The following GALNT13 variants were observed in gnomAD, a reference collection of about 807,000 sequenced individuals.
The protein encoded by GALNT13 is UDP-GalNAc:polypeptide N-acetylgalactosaminyltransferase 13.
A neutral mutation model predicts 64.2 loss-of-function variants in GALNT13; 28 were observed. The ratio of observed to expected loss-of-function variants is 0.44; its 90% CI spans 0.32 to 0.60. The LOEUF is 0.60. Among genes scored for constraint, GALNT13 ranks in the 20% least tolerant of loss-of-function variants. The probability of loss-of-function intolerance (pLI) is 0.05; values close to 1 mark genes in which losing one functional copy is unlikely to be tolerated. For missense variants in GALNT13, 577 were observed against 669.8 expected, an observed-to-expected ratio of 0.86 and a Z score of 1.53; for synonymous variants, 214 against 224.6, an observed-to-expected ratio of 0.95 and a Z score of 0.42.
chr2:153,422,749 GA>G, the GALNT13 span, among the ~76,000 whole-genome samples: 1 of 151,710 alleles, frequency 6.6e-6, no homozygotes, highest in Admixed American at 6.6e-5. Context: ...ACACTTTACA[GA>G]ATAGATTCAA....
chr2:153,452,915 C>CA, the GALNT13 span, among the ~76,000 whole-genome samples: 2 of 152,076 alleles, frequency 1.3e-5, no homozygotes, highest in South Asian at 4.1e-4. Context: ...GGTACTGGCA[C>CA]AAAAATAGTC....
chr2:154,029,990 G>C (rs1312327252), intron 3 of GALNT13, among the ~76,000 whole-genome samples: 1 of 152,120 alleles, frequency 6.6e-6, no homozygotes, highest in Non-Finnish European at 1.5e-5. Context: ...CGGGTAAATT[G>C]AGAGCTGAGG....
At chr2:153,906,326 T>A (rs1301732792) in intron 2 of GALNT13, among the ~76,000 whole-genome samples, 3 of 151,564 alleles carry the variant, frequency 2.0e-5, no homozygotes, top group Non-Finnish European at 2.9e-5. Flanking sequence ...ACATGTGCCA[T>A]GTTGGTGTGC....
the GALNT13 span, among the ~76,000 whole-genome samples, chr2:153,404,362 T>C: frequency 2.0e-5 from 3 of 152,278 alleles, no homozygotes; most frequent in African/African-American, 7.2e-5. Context: ...AATAACAAAA[T>C]GAGCCATCAA....
chr2:153,881,638 C>T (rs976059913), intron 1 of GALNT13, among the ~76,000 whole-genome samples: 1 of 152,156 alleles, frequency 6.6e-6, no homozygotes, highest in African/African-American at 2.4e-5. Context: ...AGTGGGATAA[C>T]ATGTATACAT....
intron 3 of GALNT13, among the ~76,000 whole-genome samples, chr2:154,009,915 G>T (rs761902658): frequency 1.4e-5 from 2 of 144,618 alleles, no homozygotes; most frequent in African/African-American, 2.7e-5. Context: ...TGGTTGTTTT[G>T]TGGTTATTGT....
At chr2:154,077,959 T>G (rs1308766494) in intron 3 of GALNT13, among the ~76,000 whole-genome samples, 4 of 151,470 alleles carry the variant, frequency 2.6e-5, no homozygotes, top group African/African-American at 9.7e-5. Context: ...GTCACAATTT[T>G]TAAAAACAGA....
At chr2:153,949,337 A>G (rs1692001677) in intron 3 of GALNT13, among the ~76,000 whole-genome samples, 1 of 152,046 alleles carries the variant, frequency 6.6e-6, no homozygotes, top group South Asian at 2.1e-4. Context: ...AACATAATTG[A>G]TATTAGGATC....
At chr2:153,256,137 C>T in the GALNT13 span, among the ~76,000 whole-genome samples, 1 of 152,062 alleles carries the variant, frequency 6.6e-6, no homozygotes, top group South Asian at 2.1e-4. Context: ...TTCACATAGT[C>T]CCATATTTCT....
chr2:154,288,259 A>G (rs557289468), intron 8 of GALNT13, among the ~76,000 whole-genome samples: 29 of 152,158 alleles, frequency 1.9e-4, no homozygotes, highest in African/African-American at 7.0e-4. Context: ...CACCCCCATG[A>G]TTCAAGTACC....
intron 8 of GALNT13, among the ~76,000 whole-genome samples, chr2:154,277,261 A>G (rs377065550): frequency 6.6e-6 from 1 of 152,300 alleles, no homozygotes; most frequent in East Asian, 1.9e-4. Flanking sequence ...CTGATCCCTT[A>G]AAGACATCTA....
At chr2:153,434,742 T>A in the GALNT13 span, among the ~76,000 whole-genome samples, 2 of 152,214 alleles carry the variant, frequency 1.3e-5, no homozygotes, top group South Asian at 4.1e-4. Context: ...CTTTGTCAGA[T>A]AAGTAGGTTG....
chr2:154,205,151 A>G (rs944720168), intron 4 of GALNT13, among the ~76,000 whole-genome samples: 5 of 152,188 alleles, frequency 3.3e-5, no homozygotes, highest in Admixed American at 1.3e-4. Flanking sequence ...CATGGTAAAG[A>G]CTTTATATTA....
At chr2:153,991,595 G>A (rs1020654342) in intron 3 of GALNT13, among the ~76,000 whole-genome samples, 2 of 152,080 alleles carry the variant, frequency 1.3e-5, no homozygotes, top group African/African-American at 4.8e-5. Context: ...TACAAGAAAA[G>A]AATGAACTTA....
chr2:153,345,675 CTTTCTT>C, the GALNT13 span, among the ~76,000 whole-genome samples: 1 of 139,906 alleles, frequency 7.1e-6, no homozygotes, highest in African/African-American at 2.7e-5. Flanking sequence ...TTCTTTCTTT[CTTTCTT>C]TCTTTCTTTC....
the GALNT13 span, among the ~76,000 whole-genome samples, chr2:153,721,006 T>A: frequency 6.6e-6 from 1 of 151,940 alleles, no homozygotes; most frequent in East Asian, 1.9e-4. Context: ...AGATACATAA[T>A]TGTCAGATTC....
chr2:153,346,469 A>G, the GALNT13 span, among the ~76,000 whole-genome samples: 1 of 152,146 alleles, frequency 6.6e-6, no homozygotes. Context: ...AAATCCATAG[A>G]CTGTGCCAAA....
downstream of GALNT13, among the ~76,000 whole-genome samples, chr2:154,455,592 G>GA (rs2105517237): frequency 4.8e-4 from 1 of 2,068 alleles, no homozygotes; most frequent in South Asian, 0.083. Flanking sequence ...GGTGAAATCA[G>GA]CCCCTTATGT....
At chr2:153,688,147 T>C in the GALNT13 span, among the ~76,000 whole-genome samples, 3 of 152,132 alleles carry the variant, frequency 2.0e-5, no homozygotes, top group Middle Eastern at 3.4e-3. Context: ...TAAAATTTTA[T>C]TGGAACATAG....
Sources: gnomAD v4.1 joint callset for allele counts (sites outside exome capture counted in the v4.1 genomes callset) on GRCh38, gnomAD v4.1.1 for gene constraint, MANE v1.5 for transcripts, NCBI Gene and HGNC (gene_info 2026-07-23, HGNC 2026-07-21) for gene names.